The following ANAPC1 variants were observed in gnomAD, a reference collection of about 807,000 sequenced individuals.
ANAPC1 encodes the protein anaphase promoting complex subunit 1.
A neutral mutation model predicts 208.0 loss-of-function variants in ANAPC1; 36 were observed. That is an observed-to-expected ratio of 0.17 (90% confidence interval 0.13 to 0.23). The LOEUF (loss-of-function observed/expected upper bound fraction) is 0.23, where lower values mean the gene tolerates loss of function less well. ANAPC1 is among the 10% of genes least tolerant of loss of function. ANAPC1 has a pLI of 1.00. For synonymous variants in ANAPC1, 378 were observed against 695.2 expected (o/e 0.54, Z 7.18); for missense variants, 942 against 2,011.6 (o/e 0.47, Z 10.17).
At chr2:111,873,189 G>A (rs568527453) in intron 5 of ANAPC1, 119 bp downstream of exon 5, 1 of 1,020,906 alleles carries the variant, frequency 9.8e-7, no homozygotes, top group Admixed American at 3.5e-5. Context: ...TAGTTATTTT[G>A]AGTAAAAATA....
intron 18 of ANAPC1, among the ~76,000 whole-genome samples, chr2:111,837,958 G>A (rs1379603611): frequency 1.2e-4 from 18 of 151,912 alleles, no homozygotes; most frequent in African/African-American, 7.2e-5. Flanking sequence ...GGTGGCGGGC[G>A]CCTGTAATCC....
At chr2:111,837,953 C>T (rs1381137556) in intron 18 of ANAPC1, among the ~76,000 whole-genome samples, 5 of 151,854 alleles carry the variant, frequency 3.3e-5, no homozygotes, top group Admixed American at 2.6e-4. Flanking sequence ...GGCATGGTGG[C>T]GGGCGCCTGT....
At chr2:111,873,789 CA>C in intron 3 of ANAPC1, 125 bp from the exon 4 acceptor site, 1 of 871,266 alleles carries the variant, frequency 1.1e-6, no homozygotes, top group South Asian at 2.5e-5. Context: ...TCAACATGTA[CA>C]ATCATGGGAA....
At chr2:111,788,910 G>T (rs1159596876) in intron 38 of ANAPC1, among the ~76,000 whole-genome samples, 1 of 151,780 alleles carries the variant, frequency 6.6e-6, no homozygotes, top group South Asian at 2.1e-4. Context: ...AGGCCGAGGC[G>T]GGCGGATCAC....
chr2:111,874,276 A>G (rs932186133), intron 3 of ANAPC1, among the ~76,000 whole-genome samples: 2 of 152,186 alleles, frequency 1.3e-5, no homozygotes, highest in African/African-American at 2.4e-5. Context: ...CAATATGAAA[A>G]TTAACATTTT....
chr2:111,882,382 A>G (rs912879846), intron 1 of ANAPC1, among the ~76,000 whole-genome samples: 8 of 152,072 alleles, frequency 5.3e-5, no homozygotes, highest in Non-Finnish European at 8.8e-5. Context: ...GCCAAAGCCT[A>G]TGTAGTTCCT....
At chr2:111,826,421 T>A (rs1445369875) in intron 21 of ANAPC1, among the ~76,000 whole-genome samples, 1 of 152,238 alleles carries the variant, frequency 6.6e-6, no homozygotes, top group African/African-American at 2.4e-5. Context: ...CAGTTTTGTC[T>A]ATCCTACAAT....
intron 28 of ANAPC1, among the ~76,000 whole-genome samples, chr2:111,813,464 A>C (rs963760528): frequency 1.6e-4 from 24 of 151,268 alleles, no homozygotes; most frequent in Non-Finnish European, 3.1e-4. Context: ...ATGTTTGGGC[A>C]ATTCAGGAAA....
intron 1 of ANAPC1, among the ~76,000 whole-genome samples, chr2:111,883,059 T>C (rs1334341574): frequency 1.3e-5 from 2 of 150,060 alleles, no homozygotes; most frequent in African/African-American, 4.9e-5. Context: ...CCCAGCTACT[T>C]GGGAGGCTGA....
At chr2:111,832,154 G>A (rs111503083) in intron 20 of ANAPC1, among the ~76,000 whole-genome samples, 5,028 of 151,220 alleles carry the variant, frequency 0.033, 185 homozygotes, top group African/African-American at 0.083. Flanking sequence ...TTAGCCAGGC[G>A]TGGTGGCACA....
intron 17 of ANAPC1, 133 bp downstream of exon 17, chr2:111,843,279 A>G: frequency 2.5e-6 from 2 of 805,360 alleles, no homozygotes; most frequent in Non-Finnish European, 3.9e-6. Flanking sequence ...ATATATAGAT[A>G]CAATAAACCT....
chr2:111,789,117 G>A (rs1432194663), intron 38 of ANAPC1, among the ~76,000 whole-genome samples: 2 of 151,848 alleles, frequency 1.3e-5, no homozygotes, highest in Admixed American at 6.6e-5. Context: ...CAGCCTGGGC[G>A]AAAGAGCGAG....
Position 111,856,994 on chromosome 2 carries a change from T to A in ANAPC1, c.1359-108A>T. 4.0e-6 allele frequency: 3 copies of A among 749,462 alleles called. No individual in the cohort carries two copies. The South Asian group carries it at 5.5e-5, about 14-fold the overall frequency. 46.4% of individuals were successfully genotyped at this position (749,462 alleles called of 1,614,324 possible). On this transcript the variant is annotated intron_variant, in intron 11 of 47. Transcript: ENST00000341068. ...CAATCTCAGAAGTTTACATACTGTA[T>A]GAGCCCATTTATATAACATTCACAA...
At position 111,823,569 on chromosome 2, in the gene ANAPC1, A is replaced by G. The variant is rs370079919; in HGVS notation, c.2813-969T>C. 4.6e-3 allele frequency among the ~76,000 whole-genome samples: 701 copies of G among 152,326 alleles called. 9 individuals carry two copies. The highest frequency in any genetic ancestry group is 0.016 in the African/African-American group (652 of 41,576). ...CATCAATAGAATGGGTAATTAAATTATGATATGTTCAAACAAAGTAATCTC... is the reference window on the plus strand; with the variant it reads ...CATCAATAGAATGGGTAATTAAATTGTGATATGTTCAAACAAAGTAATCTC... On this transcript the variant is annotated intron_variant, in intron 24 of 47. Transcript: ENST00000341068.
At chr2:111,773,069 C>A (rs1676830436) in intron 46 of ANAPC1, among the ~76,000 whole-genome samples, 1 of 152,266 alleles carries the variant, frequency 6.6e-6, no homozygotes, top group African/African-American at 2.4e-5. Flanking sequence ...GTGATCAAGG[C>A]AATCCCATTC....
chr2:111,789,125 G>A (rs183552357), intron 38 of ANAPC1, among the ~76,000 whole-genome samples: 2,510 of 151,536 alleles, frequency 0.017, 9 homozygotes, highest in East Asian at 0.083. Context: ...GCGAAAGAGC[G>A]AGACTCCTTC....
chr2:111,821,816 T>G (rs1208016697), intron 25 of ANAPC1: 2 of 267,940 alleles, frequency 7.5e-6, no homozygotes, highest in African/African-American at 2.2e-5. Context: ...ACTTGCAGGA[T>G]TCCTAGAACT....
chr2:111,840,988 A>G (rs1441554129), intron 17 of ANAPC1, among the ~76,000 whole-genome samples: 1 of 152,220 alleles, frequency 6.6e-6, no homozygotes, highest in Non-Finnish European at 1.5e-5. Flanking sequence ...GGTTGTAGTG[A>G]GCCAGGATAG....
At chr2:111,844,025 TG>T (rs1293169388) in intron 16 of ANAPC1, among the ~76,000 whole-genome samples, 1 of 151,950 alleles carries the variant, frequency 6.6e-6, no homozygotes, top group East Asian at 1.9e-4. Flanking sequence ...TGTTTCACCA[TG>T]TTGGCCAGGC....
Sources: gnomAD v4.1 joint callset for allele counts (sites outside exome capture counted in the v4.1 genomes callset) on GRCh38, gnomAD v4.1.1 for gene constraint, MANE v1.5 for transcripts, NCBI Gene and HGNC (gene_info 2026-07-23, HGNC 2026-07-21) for gene names.